The following GLUD1 variants were observed in gnomAD, a reference collection of about 807,000 sequenced individuals.
The protein encoded by GLUD1 is glutamate dehydrogenase 1, mitochondrial.
GLUD1 carries 22 observed loss-of-function variants against 56.0 expected under a neutral mutation model. The ratio of observed to expected loss-of-function variants is 0.39; its 90% confidence interval spans 0.28 to 0.56. GLUD1 has a LOEUF of 0.56. Among genes scored for constraint, GLUD1 ranks in the 20% least tolerant of loss-of-function variants. The pLI is 0.58. For synonymous variants in GLUD1, 223 were observed against 269.9 expected, an observed-to-expected ratio of 0.83 and a Z score of 1.70; for missense variants, 451 against 732.0, an observed-to-expected ratio of 0.62 and a Z score of 4.43.
rs190113149 is a variant in GLUD1, at chr10:87,058,233, A to G, written c.1403-451T>C. On this transcript the variant is annotated intron_variant, in intron 10 of 12. Transcript: ENST00000277865. ...AAACTCAGTCAGGAAGGAATAAAAC[A>G]CATTGCCAATTTCCTATATAAATGT... Among the ~76,000 whole-genome samples the G allele has an allele frequency of 2.0e-5, 3 of 152,324 alleles. No individual in the cohort carries two copies. The East Asian group carries it at 5.8e-4, about 29-fold the overall frequency.
intron 4 of GLUD1, among the ~76,000 whole-genome samples, chr10:87,069,980 C>G (rs987137194): frequency 6.6e-6 from 1 of 152,246 alleles, no homozygotes; most frequent in African/African-American, 2.4e-5. Context: ...CTCTCCAGCT[C>G]CTATTTGCTC....
chr10:87,093,061 T>A (rs1348066794), intron 1 of GLUD1, among the ~76,000 whole-genome samples: 1 of 152,208 alleles, frequency 6.6e-6, no homozygotes, highest in Non-Finnish European at 1.5e-5. Flanking sequence ...CAAAGTTAAG[T>A]CCTAGAAGTG....
chr10:87,094,667 C>T lies in GLUD1; in HGVS notation c.103G>A (p.Gly35Arg), dbSNP rs1218323827. ...GGCTGCGGGGCGGCGGCGGGCTGTC[C>T]CCGGGCCCAGCCCAGCAACGCGGCC... Reference protein sequence around the residue: ...DSAALLGWARGQPAAAPQPGL... With the variant: ...DSAALLGWARRQPAAAPQPGL... Residue 35 changes from glycine to arginine, a missense_variant, in exon 1 of 13, where the codon GGA becomes AGA. This residue lies in a region of GLUD1 where 158 missense variants were observed against 189.7 expected (regional missense o/e 0.83). Coordinates refer to ENST00000277865, the MANE Select transcript of GLUD1 (RefSeq NM_005271.5). This position sits in a 1 kb window ranked among gnomAD's most constrained non-coding sequence, Gnocchi z 6.6. 1 of 1,563,332 alleles carries T rather than the reference C, an allele frequency of 6.4e-7. No homozygotes were observed. The highest frequency in any genetic ancestry group is 1.2e-5 in the South Asian group (1 of 86,456).
At chr10:87,052,278 G>A (rs1217529443) in intron 12 of GLUD1, among the ~76,000 whole-genome samples, 1 of 152,130 alleles carries the variant, frequency 6.6e-6, no homozygotes. Context: ...CTTGAGGTCA[G>A]GAGTTCGAGA....
At chr10:87,088,657 AC>A (rs958202156) in intron 1 of GLUD1, among the ~76,000 whole-genome samples, 16 of 152,240 alleles carry the variant, frequency 1.1e-4, no homozygotes, top group Admixed American at 7.2e-4. Flanking sequence ...CATACTACTG[AC>A]AACCTTTGAA....
At chr10:87,081,746 GCAGCATGCTCGTTAAGAGTCAT>G (rs1841260515) in intron 1 of GLUD1, among the ~76,000 whole-genome samples, 1 of 150,896 alleles carries the variant, frequency 6.6e-6, no homozygotes, top group Non-Finnish European at 1.5e-5. Context: ...ATGCTTGAAG[GCAGCATGCTCGTTAAGAGTCAT>G]CACCACTCCC....
In GLUD1 at chr10:87,057,717, T is replaced by C. The variant is rs1845822608; in HGVS notation, c.1468A>G (p.Thr490Ala). Residue 490 changes from threonine (T) to alanine (A), a missense_variant, in exon 11 of 13, where the codon ACG becomes GCG. Coordinates refer to ENST00000277865, the MANE Select transcript of GLUD1 (RefSeq NM_005271.5). ...KHGGTIPIVP[T>A]AEFQDRISGA... The stretch of plus-strand genomic sequence containing the variant: ...GATATCCTGTCTTGGAACTCTGCCG[T>C]GGGTACAATGGGAATAGTTCCACCA... 1 of 1,590,860 alleles carries C rather than the reference T, an allele frequency of 6.3e-7. No homozygotes were observed. The highest frequency in any genetic ancestry group is 2.2e-5 in the East Asian group (1 of 44,764).
intron 6 of GLUD1, 64 bp from the exon 7 acceptor site, chr10:87,061,116 T>C: frequency 2.8e-6 from 4 of 1,426,530 alleles, no homozygotes; most frequent in Non-Finnish European, 3.0e-6. Context: ...AAGAGTCATA[T>C]TTTGACCAAT....
chr10:87,067,734 C>A, intron 5 of GLUD1: 1 of 332,990 alleles, frequency 3.0e-6, no homozygotes, highest in Non-Finnish European at 5.9e-6. Context: ...ACCTTATCTG[C>A]TTATGCACCT....
chr10:87,093,864 TCA>T, intron 1 of GLUD1: 1 of 1,180,154 alleles, frequency 8.5e-7, no homozygotes, highest in Non-Finnish European at 1.1e-6. Context: ...ATATCATCTG[TCA>T]CTATTGGAAC....
chr10:87,051,715 G>A lies in GLUD1; in HGVS notation c.*36C>T, dbSNP rs1845636145. 11 of 1,609,040 alleles carry A rather than the reference G, an allele frequency of 6.8e-6. No individual in the cohort carries two copies. The highest frequency in any genetic ancestry group is 1.3e-5 in the African/African-American group (1 of 74,808). ...TGTGATAGGTCTGCAGAAGTTACAT[G>A]TGAAGAGGATAGTGAGGAAGTCAGC... On this transcript the variant is annotated 3_prime_UTR_variant, in exon 13 of 13. Transcript: ENST00000277865.
chr10:87,089,672 T>C (rs1009905137), intron 1 of GLUD1: 2 of 982,090 alleles, frequency 2.0e-6, no homozygotes, highest in African/African-American at 3.5e-5. Flanking sequence ...AGTAGCTCCT[T>C]CTCCTAGTTT....
chr10:87,089,192 G>A (rs144502711), intron 1 of GLUD1, among the ~76,000 whole-genome samples: 5,059 of 152,292 alleles, frequency 0.033, 222 homozygotes, highest in Admixed American at 0.11. Context: ...TCAATGGCAT[G>A]AAGTGGTTCT....
chr10:87,053,327 C>T lies in GLUD1; in HGVS notation c.1557+15G>A. 1 of 1,584,800 alleles carries T rather than the reference C, an allele frequency of 6.3e-7. No individual in the cohort carries two copies. Among genetic ancestry groups the T allele is most frequent in the South Asian group, 1.1e-5 (1 of 90,466 alleles). On this transcript the variant is annotated intron_variant, in intron 12 of 12. Coordinates refer to ENST00000277865, the MANE Select transcript of GLUD1 (RefSeq NM_005271.5). ...ATGTGACTAGCTGGAAGGCAAACAG[C>T]ATCTGCACACATACCCTGGCAGAAC...
intron 7 of GLUD1, 45 bp from the exon 8 acceptor site, chr10:87,060,870 T>A: frequency 6.2e-7 from 1 of 1,613,902 alleles, no homozygotes; most frequent in Non-Finnish European, 8.5e-7. Context: ...ACCAGAGTTT[T>A]AAATATTTAT....
At position 87,094,458 on chromosome 10, in the gene GLUD1, G is replaced by T. The variant is rs1435361149; in HGVS notation, c.312C>A (p.Gly104=). 6.2e-7 allele frequency: 1 copy of T among 1,613,762 alleles called. No homozygotes were observed. The highest frequency in any genetic ancestry group is 1.1e-5 in the South Asian group (1 of 91,066). ...TGCAGGGCTTGATGATCCGCAGGAT[G>T]CCGCGCACCCGGTTCCGCTTCTGCT... ...SEEQKRNRVR[G]ILRIIKPCNH... The change falls in exon 1 of 13, where the codon GGC becomes GGA. Residue 104 remains glycine (G), a synonymous_variant. Transcript: ENST00000277865. The surrounding 1 kb of genome is among the most constrained non-coding windows in gnomAD (Gnocchi z 6.6).
intron 1 of GLUD1, among the ~76,000 whole-genome samples, chr10:87,080,176 G>T (rs1199334571): frequency 6.6e-6 from 1 of 152,054 alleles, no homozygotes; most frequent in African/African-American, 2.4e-5. Flanking sequence ...CTAACCGCGA[G>T]TGATCCGCCA....
intron 12 of GLUD1, 89 bp downstream of exon 12, chr10:87,053,253 T>TACACA: frequency 1.2e-6 from 1 of 848,288 alleles, no homozygotes; most frequent in Non-Finnish European, 2.0e-6. Flanking sequence ...ATGTTTTCTA[T>TACACA]CAGCACATAC....
At chr10:87,053,288 T>G (rs1443033351) in intron 12 of GLUD1, 54 bp downstream of exon 12, 17 of 1,145,828 alleles carry the variant, frequency 1.5e-5, no homozygotes, top group Non-Finnish European at 2.3e-5. Context: ...GATAGCATGG[T>G]TGAGTTGCAC....
Sources: gnomAD v4.1 joint callset for allele counts (sites outside exome capture counted in the v4.1 genomes callset) on GRCh38, gnomAD v4.1.1 for gene constraint, gnomAD v4.1.1 regional missense constraint, Gnocchi (gnomAD v3.1) non-coding constraint, MANE v1.5 for transcripts, NCBI Gene and HGNC (gene_info 2026-07-23, HGNC 2026-07-21) for gene names.